DENND1A: variants seen among roughly 807,000 people sequenced by gnomAD.
The protein encoded by DENND1A is DENN domain containing 1A.
A neutral mutation model predicts 113.7 loss-of-function variants in DENND1A; 51 were observed. The ratio of observed to expected loss-of-function variants is 0.45; its 90% CI spans 0.36 to 0.57. The LOEUF is 0.57. Ranked by LOEUF, DENND1A falls within the 20% of genes least tolerant of loss-of-function variation. The probability of loss-of-function intolerance (pLI) is 0.00; values close to 1 mark genes in which losing one functional copy is unlikely to be tolerated. For missense variants in DENND1A, 1,258 were observed against 1,395.9 expected (o/e 0.90, Z 1.57); for synonymous variants, 565 against 570.8 (o/e 0.99, Z 0.14).
chr9:123,476,513 G>T (rs1216013287), intron 13 of DENND1A, among the ~76,000 whole-genome samples: 7 of 152,130 alleles, frequency 4.6e-5, no homozygotes, highest in Admixed American at 3.9e-4. Context: ...ACATTTGTTG[G>T]TCACCTGATC....
intron 13 of DENND1A, among the ~76,000 whole-genome samples, chr9:123,471,339 G>A (rs959768744): frequency 6.6e-6 from 1 of 152,186 alleles, no homozygotes; most frequent in African/African-American, 2.4e-5. Flanking sequence ...GCTGTGTGGG[G>A]ATTGACAATC....
chr9:123,728,506 A>AAC (rs2067909310), intron 5 of DENND1A, among the ~76,000 whole-genome samples: 2 of 145,814 alleles, frequency 1.4e-5, no homozygotes, highest in African/African-American at 2.7e-5. Context: ...AAAAAAAAAA[A>AAC]AAAACAGGCA....
In DENND1A at chr9:123,909,376, AATAAAATAAAAT is replaced by A. The variant is rs557995507; in HGVS notation, c.17+20501_17+20512del. ...ATAAAAATAAAAAAAACAATAAAAAAATAAAATAAAATATAAAATAAAATAAAAAATAAAAAT... is the reference window on the plus strand; with the variant it reads ...ATAAAAATAAAAAAAACAATAAAAAAATAAAATAAAATAAAAAATAAAAAT... On this transcript the variant is annotated intron_variant, in intron 1 of 23. Coordinates refer to ENST00000394215, the MANE Select transcript of DENND1A (RefSeq NM_001352964.2). 3.4e-3 allele frequency among the ~76,000 whole-genome samples: 511 copies of A among 150,368 alleles called. 4 individuals carry two copies. The highest frequency in any genetic ancestry group is 0.011 in the African/African-American group (449 of 41,344).
At chr9:123,434,539 T>A (rs1160926850) in intron 19 of DENND1A, among the ~76,000 whole-genome samples, 2 of 152,246 alleles carry the variant, frequency 1.3e-5, no homozygotes, top group Admixed American at 1.3e-4. Flanking sequence ...CCCCAGGATG[T>A]GCACTGACTG....
intron 13 of DENND1A, among the ~76,000 whole-genome samples, chr9:123,465,309 T>A (rs1203721355): frequency 0.22 from 137 of 624 alleles, no homozygotes; most frequent in African/African-American, 0.28. Flanking sequence ...TTGTCTTTGA[T>A]TTTTTTTTTT....
chr9:123,443,476 G>A (rs916889259), intron 18 of DENND1A, among the ~76,000 whole-genome samples: 4 of 152,338 alleles, frequency 2.6e-5, no homozygotes, highest in South Asian at 4.1e-4. Flanking sequence ...ATGTACCTGC[G>A]TGTCAAAAAG....
rs181867614 is a variant in DENND1A at position 123,691,164 on chromosome 9, C to G, written c.303-14375G>C. Among the ~76,000 whole-genome samples the G allele has an allele frequency of 3.9e-5, 6 of 152,302 alleles. No homozygotes were observed. The East Asian group carries it at 1.2e-3, about 29-fold the overall frequency. On this transcript the variant is annotated intron_variant, in intron 5 of 23. Transcript: ENST00000394215. The stretch of plus-strand genomic sequence containing the variant: ...GCCAAATCTGCAAGGCTGGATCATT[C>G]ATACAAACATTTAGTAAGCATAAAT...
Position 123,830,873 on chromosome 9 carries a change from G to GAAAAAAAAAAAAAAAAAAA in DENND1A, c.89-38262_89-38244dup, listed in dbSNP as rs71390447. On this transcript the variant is annotated intron_variant, in intron 2 of 23. Coordinates refer to ENST00000394215, the MANE Select transcript of DENND1A (RefSeq NM_001352964.2). ...AAGAGTGAAATTTCATCTCAAAAAT[G>GAAAAAAAAAAAAAAAAAAA]AAAAAAAAAAAAAAAAAAAAAAAAA... Among the ~76,000 whole-genome samples, 19 of 39,316 alleles carry GAAAAAAAAAAAAAAAAAAA rather than the reference G, an allele frequency of 4.8e-4. 1 individual carries two copies. Among genetic ancestry groups the GAAAAAAAAAAAAAAAAAAA allele is most frequent in the South Asian group, 2.2e-3 (1 of 450 alleles). The allele number at this position is 39,316 out of a possible 152,430, so 25.8% of individuals were successfully genotyped here.
At chr9:123,463,497 A>G (rs1256631540) in intron 13 of DENND1A, among the ~76,000 whole-genome samples, 2 of 152,208 alleles carry the variant, frequency 1.3e-5, no homozygotes, top group African/African-American at 2.4e-5. Context: ...CCCATAGAGT[A>G]TTACATTCTT....
intron 5 of DENND1A, among the ~76,000 whole-genome samples, chr9:123,678,458 C>T (rs780882509): frequency 1.3e-5 from 2 of 152,174 alleles, no homozygotes; most frequent in South Asian, 2.1e-4. Flanking sequence ...AAGCGCTTGC[C>T]GGCCTGGTCA....
intron 8 of DENND1A, among the ~76,000 whole-genome samples, chr9:123,661,852 G>A (rs905176176): frequency 2.0e-5 from 3 of 151,908 alleles, no homozygotes; most frequent in East Asian, 1.9e-4. Context: ...GAGAGAAAAC[G>A]AAAAGAGAGA....
intron 21 of DENND1A, among the ~76,000 whole-genome samples, chr9:123,393,976 G>A (rs2042986058): frequency 1.4e-5 from 2 of 145,876 alleles, no homozygotes. Context: ...CTCCATTTGG[G>A]AGGTGATGTG....
At chr9:123,448,213 A>G (rs1451780828) in intron 18 of DENND1A, among the ~76,000 whole-genome samples, 1 of 152,252 alleles carries the variant, frequency 6.6e-6, no homozygotes, top group Non-Finnish European at 1.5e-5. Context: ...CTATCAAGGA[A>G]CAGAAAGGGA....
At chr9:123,621,988 C>A (rs1240495446) in intron 10 of DENND1A, among the ~76,000 whole-genome samples, 2 of 152,190 alleles carry the variant, frequency 1.3e-5, no homozygotes, top group Non-Finnish European at 1.5e-5. Context: ...CACAAAGGGC[C>A]TGAAACTAGC....
chr9:123,513,080 C>G (rs12377854), intron 13 of DENND1A, among the ~76,000 whole-genome samples: 2,999 of 152,306 alleles, frequency 0.02, 49 homozygotes, highest in Non-Finnish European at 0.027. Flanking sequence ...TTGATTACTA[C>G]CGAAATGTCA....
chr9:123,829,088 A>T (rs1297942360), intron 2 of DENND1A, among the ~76,000 whole-genome samples: 1 of 152,216 alleles, frequency 6.6e-6, no homozygotes, highest in Non-Finnish European at 1.5e-5. Context: ...TCAGTGAAGT[A>T]TAACAGCTAC....
At chr9:123,787,374 C>T (rs965485627) in intron 3 of DENND1A, among the ~76,000 whole-genome samples, 2 of 152,076 alleles carry the variant, frequency 1.3e-5, no homozygotes, top group Non-Finnish European at 2.9e-5. Flanking sequence ...TTATCTCTGG[C>T]TTATCAAAAT....
At chr9:123,769,401 G>T (rs947859270) in intron 4 of DENND1A, 113 bp downstream of exon 4, 20 of 929,016 alleles carry the variant, frequency 2.2e-5, no homozygotes, top group East Asian at 2.6e-5. Flanking sequence ...TGGAACACAG[G>T]TATCTTAAAT....
At chr9:123,831,185 A>T (rs1840159181) in intron 2 of DENND1A, among the ~76,000 whole-genome samples, 1 of 152,162 alleles carries the variant, frequency 6.6e-6, no homozygotes, top group Non-Finnish European at 1.5e-5. Flanking sequence ...AAATTCAAAG[A>T]TACCATTTAC....
Sources: gnomAD v4.1 joint callset for allele counts (sites outside exome capture counted in the v4.1 genomes callset) on GRCh38, gnomAD v4.1.1 for gene constraint, MANE v1.5 for transcripts, NCBI Gene and HGNC (gene_info 2026-07-23, HGNC 2026-07-21) for gene names.